Variants in SCRN3 observed in about 807,000 individuals in gnomAD.
SCRN3 encodes the protein secernin-3.
SCRN3 carries 39 observed loss-of-function variants against 43.1 expected under a neutral mutation model. The observed-to-expected ratio is 0.91, with a 90% CI of 0.70 to 1.18. SCRN3 has a LOEUF of 1.18. Ranked by LOEUF, SCRN3 falls within the 50% of genes most tolerant of loss-of-function variation. The probability of loss-of-function intolerance (pLI) is 0.00; values close to 1 mark genes in which losing one functional copy is unlikely to be tolerated. For missense variants in SCRN3, 484 were observed against 498.0 expected (o/e 0.97, Z 0.27); for synonymous variants, 147 against 163.1 (o/e 0.90, Z 0.75).
At chr2:174,413,355 C>G (rs1685993288) in intron 5 of SCRN3, among the ~76,000 whole-genome samples, 1 of 152,116 alleles carries the variant, frequency 6.6e-6, no homozygotes, top group African/African-American at 2.4e-5. Context: ...GTTTTAGCAG[C>G]TACTTTAGTT....
At chr2:174,396,518 CG>C (rs1685317314) in intron 1 of SCRN3, among the ~76,000 whole-genome samples, 1 of 152,124 alleles carries the variant, frequency 6.6e-6, no homozygotes. Flanking sequence ...AAACCTTGGC[CG>C]GGCGCGGTAG....
chr2:174,408,508 TA>T (rs1481260709), intron 5 of SCRN3, among the ~76,000 whole-genome samples: 1 of 150,090 alleles, frequency 6.7e-6, no homozygotes, highest in Middle Eastern at 3.2e-3. Flanking sequence ...ATTATGATGA[TA>T]GCTGGTGATT....
chr2:174,413,816 C>T (rs1355011636), intron 5 of SCRN3, among the ~76,000 whole-genome samples: 2 of 151,796 alleles, frequency 1.3e-5, no homozygotes, highest in Admixed American at 1.3e-4. Context: ...GTCTCGAACT[C>T]CTGACCTCAG....
At chr2:174,408,710 A>T (rs1685787428) in intron 5 of SCRN3, among the ~76,000 whole-genome samples, 10 of 129,390 alleles carry the variant, frequency 7.7e-5, no homozygotes, top group South Asian at 2.7e-4. Flanking sequence ...TTTCTCCTTC[A>T]CTTATGAAGC....
chr2:174,426,425 T>A (rs763789097), intron 7 of SCRN3, among the ~76,000 whole-genome samples: 3 of 152,182 alleles, frequency 2.0e-5, no homozygotes, highest in Non-Finnish European at 4.4e-5. Context: ...GAAGTCCATG[T>A]TAAGGTTATT....
intron 5 of SCRN3, chr2:174,410,597 T>C (rs1414517716): frequency 1.3e-5 from 2 of 152,234 alleles, no homozygotes; most frequent in African/African-American, 4.8e-5. Flanking sequence ...TTCTTATTAA[T>C]ATTCTTAAAA....
rs1167316051 is a variant in SCRN3 at position 174,428,353 on chromosome 2, T to A, written c.*458T>A. On this transcript the variant is annotated 3_prime_UTR_variant, in exon 8 of 8. Coordinates refer to ENST00000272732, the MANE Select transcript of SCRN3 (RefSeq NM_024583.5). Reference sequence around the variant, plus strand: ...AAGTTGTTTGTGCTTTAGGCAAACATTAACCAGCTCTAACAAGAAAAATGT... The same window carrying A: ...AAGTTGTTTGTGCTTTAGGCAAACAATAACCAGCTCTAACAAGAAAAATGT... 1 of 152,726 alleles carries A rather than the reference T, an allele frequency of 6.5e-6. No individual in the cohort carries two copies. Among genetic ancestry groups the A allele is most frequent in the Non-Finnish European group, 1.5e-5 (1 of 68,090 alleles). 9.5% of individuals were successfully genotyped at this position (152,726 alleles called of 1,614,324 possible). A position where few individuals can be genotyped will look rare whatever the true frequency, so the allele number is the denominator to read the frequency against.
At position 174,400,048 on chromosome 2, in the gene SCRN3, T is replaced by TG; in HGVS notation, c.290dup (p.Arg98LysfsTer6). On this transcript the variant is annotated frameshift_variant, in exon 3 of 8. Coordinates refer to ENST00000272732, the MANE Select transcript of SCRN3 (RefSeq NM_024583.5). LOFTEE classifies it high-confidence loss of function. ...AGTTTGCATTGGGAATGAAGCTGTA[T>TG]GGGGAAGAGAAGAAGTTTGTGATGA... The TG allele has an allele frequency of 6.3e-7, 1 of 1,598,350 alleles. No individual in the cohort carries two copies. The highest frequency in any genetic ancestry group is 8.5e-7 in the Non-Finnish European group (1 of 1,174,344).
rs753140581 is a variant in SCRN3, at chr2:174,404,263, G to T, written c.702G>T (p.Met234Ile). The T allele has an allele frequency of 3.1e-6, 5 of 1,613,802 alleles. No individual in the cohort carries two copies. The highest frequency in any genetic ancestry group is 4.2e-6 in the Non-Finnish European group (5 of 1,179,798). ...CCTATCTTGACACAGCCAAGATGAT[G>T]ACTTCATCAGGCAGATACTGTGAGG... is the stretch of plus-strand genomic sequence containing the variant. Reference protein sequence around the residue: ...AYSYLDTAKMMTSSGRYCEGY... With the variant: ...AYSYLDTAKMITSSGRYCEGY... The change falls in exon 5 of 8, where the codon ATG becomes ATT. Residue 234 changes from methionine (M) to isoleucine (I), a missense_variant. Transcript: ENST00000272732.
intron 5 of SCRN3, among the ~76,000 whole-genome samples, chr2:174,406,697 T>C (rs1685707143): frequency 7.1e-6 from 1 of 140,822 alleles, no homozygotes; most frequent in African/African-American, 2.5e-5. Flanking sequence ...AAAGGCTTTT[T>C]CTGCCTCTAT....
intron 7 of SCRN3, among the ~76,000 whole-genome samples, chr2:174,424,878 A>G (rs1052247546): frequency 6.6e-6 from 1 of 152,230 alleles, no homozygotes; most frequent in Non-Finnish European, 1.5e-5. Flanking sequence ...ATAATAGCTA[A>G]CATTTGTTGA....
intron 4 of SCRN3, among the ~76,000 whole-genome samples, chr2:174,402,888 T>G (rs1022801155): frequency 1.3e-5 from 2 of 148,800 alleles, no homozygotes; most frequent in African/African-American, 4.9e-5. Flanking sequence ...TATCGTGATC[T>G]GTTTCATTTA....
chr2:174,422,965 A>G lies in SCRN3; in HGVS notation c.835A>G (p.Thr279Ala). ...GINMEGEFLT[T>A]ASMVSILPQD... ...TAATATGGAGGGAGAATTCCTGACC[A>G]CTGCAAGCATGGTTTCTATTTTACC... Residue 279 changes from threonine to alanine, a missense_variant, in exon 6 of 8, where the codon ACT (threonine) becomes GCT (alanine). Transcript: ENST00000272732. 1 of 1,613,420 alleles carries G rather than the reference A, an allele frequency of 6.2e-7. No individual in the cohort carries two copies. Among genetic ancestry groups the G allele is most frequent in the Non-Finnish European group, 8.5e-7 (1 of 1,179,312 alleles).
rs1408831852 is a variant in SCRN3 at position 174,427,950 on chromosome 2, A to C, written c.*55A>C. 2 of 1,190,756 alleles carry C rather than the reference A, an allele frequency of 1.7e-6. No individual in the cohort carries two copies. The highest frequency in any genetic ancestry group is 4.7e-5 in the East Asian group (2 of 42,122). 73.8% of individuals were successfully genotyped at this position (1,190,756 alleles called of 1,614,324 possible). On this transcript the variant is annotated 3_prime_UTR_variant, in exon 8 of 8. Transcript: ENST00000272732. ...TAGTGATCAGTGGTCAGTAATCTTC[A>C]AAGTCAGAATCTATCACCTTGGTAA...
intron 4 of SCRN3, 127 bp from the exon 5 acceptor site, chr2:174,403,976 C>T: frequency 6.4e-6 from 4 of 620,390 alleles, no homozygotes; most frequent in South Asian, 4.9e-5. Flanking sequence ...TAATAGATGC[C>T]CATGGCACAA....
At chr2:174,411,790 A>C (rs933097198) in intron 5 of SCRN3, among the ~76,000 whole-genome samples, 1 of 152,092 alleles carries the variant, frequency 6.6e-6, no homozygotes, top group Non-Finnish European at 1.5e-5. Flanking sequence ...GGTATGGTGC[A>C]GGCACCTGTA....
chr2:174,415,313 C>T (rs566254604), intron 5 of SCRN3, among the ~76,000 whole-genome samples: 6 of 151,664 alleles, frequency 4.0e-5, no homozygotes, highest in Non-Finnish European at 8.8e-5. Flanking sequence ...TATACACCTA[C>T]TATGTACCCA....
Position 174,399,899 on chromosome 2 carries a change from CTTTT to C in SCRN3, c.160-8_160-5del, listed in dbSNP as rs59353951. 243,254 of 1,148,234 alleles carry C rather than the reference CTTTT, an allele frequency of 0.21. 6,146 individuals are homozygous for C. The highest frequency in any genetic ancestry group is 0.31 in the Middle Eastern group (1,275 of 4,090). The allele number at this position is 1,148,234 out of a possible 1,614,324, so 71.1% of individuals were successfully genotyped here. A position where few individuals can be genotyped will look rare whatever the true frequency, so the allele number is the denominator to read the frequency against. ...TCTGGTTTTGTGGTTCTTGCTATGA[CTTTT>C]TTTTTTTTTTTTTTACAGTGTACAT... On this transcript the variant is annotated intron_variant, in intron 2 of 7. Transcript: ENST00000272732.
At position 174,423,041 on chromosome 2, in the gene SCRN3, C is replaced by G; in HGVS notation, c.911C>G (p.Pro304Arg). The change falls in exon 6 of 8, where the codon CCT becomes CGT. Residue 304 changes from proline (P) to arginine (R), a missense_variant. Coordinates refer to ENST00000272732, the MANE Select transcript of SCRN3 (RefSeq NM_024583.5). ...CACTTCTTTACAGGGACTCCTGATC[C>G]TGAGAGGTGAAGCCACAAAATACTA... Reference protein sequence around the residue: ...CIHFFTGTPDPERSVFKPFIF... With the variant: ...CIHFFTGTPDRERSVFKPFIF... 1 of 1,611,954 alleles carries G rather than the reference C, an allele frequency of 6.2e-7. No individual in the cohort carries two copies. Among genetic ancestry groups the G allele is most frequent in the Non-Finnish European group, 8.5e-7 (1 of 1,178,750 alleles).
Sources: allele counts gnomAD v4.1 joint callset (sites outside exome capture counted in the v4.1 genomes callset), GRCh38; gene constraint gnomAD v4.1.1; transcripts MANE v1.5; gene names NCBI Gene and HGNC (gene_info 2026-07-23, HGNC 2026-07-21).